ZMAT1: variants seen among roughly 807,000 people sequenced by gnomAD.
ZMAT1 encodes zinc finger matrin-type protein 1.
In ZMAT1, 11 loss-of-function variants were observed where a neutral mutation model predicts 18.5. The ratio of observed to expected loss-of-function variants is 0.59; its 90% CI spans 0.37 to 0.98. ZMAT1 has a LOEUF of 0.98. ZMAT1 is among the 50% of genes least tolerant of loss of function. ZMAT1 has a pLI of 0.01. For missense variants in ZMAT1, 525 were observed against 496.2 expected, an observed-to-expected ratio of 1.06 and a Z score of -0.55; for synonymous variants, 211 against 176.4, an observed-to-expected ratio of 1.20 and a Z score of -1.55.
At chrX:101,929,700 ACT>A (rs1930359803) in intron 1 of ZMAT1, among the ~76,000 whole-genome samples, 1 of 110,457 alleles carries the variant, frequency 9.1e-6, no homozygotes, top group Non-Finnish European at 1.9e-5. Context: ...CTCAACACTA[ACT>A]CAACATAGAT....
chrX:101,929,720 T>G (rs993547181), intron 1 of ZMAT1, among the ~76,000 whole-genome samples: 2 of 110,890 alleles, frequency 1.8e-5, no homozygotes, highest in Admixed American at 1.9e-4. Flanking sequence ...GATCTCATTA[T>G]TCATTGAATG....
At chrX:101,902,138 G>A (rs1465300152) in intron 2 of ZMAT1, among the ~76,000 whole-genome samples, 3 of 111,836 alleles carry the variant, frequency 2.7e-5, no homozygotes, top group African/African-American at 9.7e-5. Flanking sequence ...ATCTTGAAGT[G>A]TTAAGTGTTA....
chrX:101,911,704 C>A (rs1278621081), intron 1 of ZMAT1: 1 of 1,205,648 alleles, frequency 8.3e-7, no homozygotes, highest in Non-Finnish European at 1.1e-6. Context: ...AGCTTGCTCC[C>A]CTCATTCAGC....
At chrX:101,916,435 A>T (rs1224930142) in intron 1 of ZMAT1, among the ~76,000 whole-genome samples, 1 of 112,107 alleles carries the variant, frequency 8.9e-6, no homozygotes, top group Non-Finnish European at 1.9e-5. Context: ...CCAATTTACA[A>T]TAGTCACACA....
At chrX:101,897,838 T>C (rs760460789) in intron 4 of ZMAT1, 30 bp downstream of exon 4, 27 of 1,184,208 alleles carry the variant, frequency 2.3e-5, no homozygotes, top group Middle Eastern at 2.3e-4. Context: ...AGATCCTGCA[T>C]TGAAGATCAA....
intron 1 of ZMAT1, among the ~76,000 whole-genome samples, chrX:101,920,047 T>TG (rs1929619558): frequency 9.3e-6 from 1 of 107,547 alleles, no homozygotes; most frequent in Non-Finnish European, 1.9e-5. Flanking sequence ...ATTACACTTT[T>TG]TTTTTTTTTT....
Position 101,882,703 on chromosome X carries a change from A to G in ZMAT1, c.*807T>C, listed in dbSNP as rs1926559653. ...ACTTCATTTAGGGAAATTACATTAT[A>G]TGTGAGATATGTGAGAAACATTTAA... is the stretch of plus-strand genomic sequence containing the variant. On this transcript the variant is annotated 3_prime_UTR_variant, in exon 6 of 6. Transcript: ENST00000651725. 9.0e-6 allele frequency: 1 copy of G among 111,582 alleles called. No homozygotes were observed. Among genetic ancestry groups the G allele is most frequent in the Non-Finnish European group, 1.9e-5 (1 of 52,927 alleles). The allele number at this position is 111,582 out of a possible 1,213,427, so 9.2% of individuals were successfully genotyped here. A position where few individuals can be genotyped will look rare whatever the true frequency, so the allele number is the denominator to read the frequency against.
chrX:101,902,998 A>G (rs1379545283), intron 2 of ZMAT1, among the ~76,000 whole-genome samples: 1 of 111,732 alleles, frequency 8.9e-6, no homozygotes, highest in Admixed American at 9.5e-5. Context: ...ACTACAAGTG[A>G]TAGAATTATA....
At chrX:101,931,068 C>T (rs1305835093) in intron 1 of ZMAT1, among the ~76,000 whole-genome samples, 1 of 111,516 alleles carries the variant, frequency 9.0e-6, no homozygotes, top group Non-Finnish European at 1.9e-5. Context: ...ACACTCTCTT[C>T]CTCTCTTTCC....
chrX:101,885,778 G>T (rs1342599361), intron 5 of ZMAT1, among the ~76,000 whole-genome samples: 1 of 110,637 alleles, frequency 9.0e-6, no homozygotes, highest in Non-Finnish European at 1.9e-5. Flanking sequence ...CAACACCCTG[G>T]ACTCAAGTGA....
intron 1 of ZMAT1, among the ~76,000 whole-genome samples, chrX:101,919,673 A>G (rs1929593059): frequency 8.9e-6 from 1 of 112,002 alleles, no homozygotes; most frequent in South Asian, 3.7e-4. Flanking sequence ...GGGGAAAAAA[A>G]GGTTTCTGGA....
chrX:101,905,160 C>T (rs1197425414), intron 1 of ZMAT1, among the ~76,000 whole-genome samples: 1 of 111,902 alleles, frequency 8.9e-6, no homozygotes, highest in Non-Finnish European at 1.9e-5. Context: ...CACAAGGAAC[C>T]ACAAACTATC....
chrX:101,922,814 C>T (rs1929813480), intron 1 of ZMAT1, among the ~76,000 whole-genome samples: 1 of 111,365 alleles, frequency 9.0e-6, no homozygotes, highest in African/African-American at 3.3e-5. Flanking sequence ...TTTTGGACTC[C>T]CAGAAAAAAA....
chrX:101,909,251 T>C (rs1035028327), intron 1 of ZMAT1, among the ~76,000 whole-genome samples: 5 of 110,736 alleles, frequency 4.5e-5, no homozygotes, highest in Admixed American at 3.8e-4. Flanking sequence ...CCTTGGGACC[T>C]GAATAACCAG....
At chrX:101,912,242 T>C (rs1929019421) in intron 1 of ZMAT1, among the ~76,000 whole-genome samples, 1 of 111,993 alleles carries the variant, frequency 8.9e-6, no homozygotes, top group South Asian at 3.7e-4. Context: ...GAAATGACCA[T>C]GGGACCACCA....
intron 4 of ZMAT1, among the ~76,000 whole-genome samples, chrX:101,891,315 G>A (rs940757840): frequency 1.8e-5 from 2 of 111,711 alleles, no homozygotes; most frequent in African/African-American, 6.5e-5. Context: ...AAGTGGTTGG[G>A]TGGTGATCCC....
chrX:101,894,654 T>G, intron 4 of ZMAT1: 1 of 587,174 alleles, frequency 1.7e-6, no homozygotes, highest in Non-Finnish European at 2.1e-6. Flanking sequence ...ATACCTACAT[T>G]TAGGTAATGA....
chrX:101,914,301 G>T (rs889142913), intron 1 of ZMAT1, among the ~76,000 whole-genome samples: 4 of 110,097 alleles, frequency 3.6e-5, no homozygotes, highest in African/African-American at 1.3e-4. Flanking sequence ...GAAAAAAACA[G>T]CAAAACAACC....
At chrX:101,931,132 C>CT (rs1394675540) in intron 1 of ZMAT1, among the ~76,000 whole-genome samples, 1 of 112,097 alleles carries the variant, frequency 8.9e-6, no homozygotes, top group Non-Finnish European at 1.9e-5. Context: ...ACAGATCCTA[C>CT]TTTAAAGCTC....
Sources: gnomAD v4.1 joint callset for allele counts (sites outside exome capture counted in the v4.1 genomes callset) on GRCh38, gnomAD v4.1.1 for gene constraint, MANE v1.5 for transcripts, NCBI Gene and HGNC (gene_info 2026-07-23, HGNC 2026-07-21) for gene names.